The following NCOR2 variants were observed in gnomAD, a reference collection of about 807,000 sequenced individuals.
The protein encoded by NCOR2 is nuclear receptor corepressor 2.
In NCOR2, 81 loss-of-function variants were observed where a neutral mutation model predicts 262.9. The observed-to-expected ratio is 0.31, with a 90% CI of 0.26 to 0.37. The LOEUF is 0.37. Among genes scored for constraint, NCOR2 ranks in the 10% least tolerant of loss-of-function variants. NCOR2 has a pLI of 1.00. For synonymous variants in NCOR2, 1,659 were observed against 1,559.3 expected, an observed-to-expected ratio of 1.06 and a Z score of -1.51; for missense variants, 3,385 against 3,621.4, an observed-to-expected ratio of 0.93 and a Z score of 1.68.
intron 11 of NCOR2, 99 bp from the exon 14 acceptor site, chr12:124,422,654 GC>G: frequency 6.9e-7 from 1 of 1,439,346 alleles, no homozygotes; most frequent in Non-Finnish European, 9.6e-7. Context: ...CACTGGCCGG[GC>G]CTGGCGGGCA....
intron 10 of NCOR2, 88 bp from the exon 13 acceptor site, chr12:124,426,888 G>T: frequency 1.5e-6 from 2 of 1,313,874 alleles, no homozygotes; most frequent in Non-Finnish European, 2.1e-6. Flanking sequence ...CAGAGGGGAC[G>T]GATGGTCTGC....
Position 124,448,784 on chromosome 12 carries a change from G to A in NCOR2, c.815+1031C>T, listed in dbSNP as rs150097684. On this transcript the variant is annotated intron_variant, in intron 7 of 46. Coordinates refer to ENST00000405201, the Ensembl canonical transcript of NCOR2. Reference sequence around the variant, plus strand: ...GGAAGGTTTGCACGCTTTCAGGAACGGGGAGCTCACCACCGCATATACACT... The same window carrying A: ...GGAAGGTTTGCACGCTTTCAGGAACAGGGAGCTCACCACCGCATATACACT... 3.9e-3 allele frequency among the ~76,000 whole-genome samples: 587 copies of A among 152,278 alleles called. 1 individual carries two copies. Among genetic ancestry groups the A allele is most frequent in the African/African-American group, 0.012 (511 of 41,552 alleles).
chr12:124,482,606 A>C lies in NCOR2; in HGVS notation c.411+990T>G, dbSNP rs375145635. On this transcript the variant is annotated intron_variant, in intron 3 of 46. Coordinates refer to ENST00000405201, the Ensembl canonical transcript of NCOR2. The surrounding 1 kb of genome is among the most constrained non-coding windows in gnomAD (Gnocchi z 6.3). ...CCAGATCAGTGAGGAAGAAATGGGG[A>C]TCAGAGAGGCACAAAGGCAGCACAG... is the stretch of plus-strand genomic sequence containing the variant. Among the ~76,000 whole-genome samples the C allele has an allele frequency of 4.1e-3, 618 of 152,272 alleles. 3 individuals carry two copies. Among genetic ancestry groups the C allele is most frequent in the African/African-American group, 0.014 (591 of 41,564 alleles).
chr12:124,398,194 T>A lies in NCOR2; in HGVS notation c.1814-13A>T, dbSNP rs2041797776. On this transcript the variant is annotated splice_polypyrimidine_tract_variant and intron_variant, in intron 15 of 46. Coordinates refer to ENST00000405201, the Ensembl canonical transcript of NCOR2. ...AGCTCCATGGAGGCTGAAAAGAAGA[T>A]GCCAGGTTATTGGCAGGAGCCGGGA... 2 of 1,614,060 alleles carry A rather than the reference T, an allele frequency of 1.2e-6. No individual in the cohort carries two copies. Among genetic ancestry groups the A allele is most frequent in the African/African-American group, 2.7e-5 (2 of 74,954 alleles).
At chr12:124,380,049 G>A (rs570189274) in intron 17 of NCOR2, among the ~76,000 whole-genome samples, 3 of 152,320 alleles carry the variant, frequency 2.0e-5, no homozygotes, top group Non-Finnish European at 4.4e-5. Context: ...TGAAGCCACC[G>A]GTCTGTGGTA....
chr12:124,421,618 ACCAGGAAG>A (rs1180079165), intron 12 of NCOR2, among the ~76,000 whole-genome samples: 4 of 152,098 alleles, frequency 2.6e-5, no homozygotes. Flanking sequence ...CCCTCCTACA[ACCAGGAAG>A]CCCGAGCAGG....
rs142169148 is a variant in NCOR2 at position 124,465,072 on chromosome 12, C to G, written c.705+1101G>C. ...TCAGGCTGCCACTGCAGGCACCCAC[C>G]ACGTGACTCGAGGCCTCCCCACCCC... On this transcript the variant is annotated intron_variant, in intron 5 of 46. Coordinates refer to ENST00000405201, the Ensembl canonical transcript of NCOR2. Among the ~76,000 whole-genome samples, 238 of 152,310 alleles carry G rather than the reference C, an allele frequency of 1.6e-3. 2 individuals are homozygous for G. Among genetic ancestry groups the G allele is most frequent in the African/African-American group, 4.7e-3 (194 of 41,554 alleles).
intron 13 of NCOR2, among the ~76,000 whole-genome samples, chr12:124,414,597 C>T (rs1023568167): frequency 1.3e-5 from 2 of 152,162 alleles, no homozygotes; most frequent in Non-Finnish European, 2.9e-5. Flanking sequence ...ACTAGAGGGC[C>T]CAGGAAGGGA....
chr12:124,358,815 G>A (rs1043035226), intron 22 of NCOR2, among the ~76,000 whole-genome samples: 3 of 152,136 alleles, frequency 2.0e-5, no homozygotes, highest in Non-Finnish European at 2.9e-5. Context: ...AGGGCTCCAC[G>A]GCTGACAGCA....
At chr12:124,480,212 C>T (rs1009180546) in intron 3 of NCOR2, among the ~76,000 whole-genome samples, 6 of 152,208 alleles carry the variant, frequency 3.9e-5, no homozygotes, top group South Asian at 2.1e-4. Context: ...CCCCTACTCC[C>T]GCTGCAGGAG....
At position 124,340,597 on chromosome 12, in the gene NCOR2, G is replaced by A. The variant is rs775181904; in HGVS notation, c.5338+5C>T. 58 of 1,499,444 alleles carry A rather than the reference G, an allele frequency of 3.9e-5. No individual in the cohort carries two copies. In the Admixed American group the frequency reaches 8.9e-4, roughly 23 times the overall value. 92.9% of individuals were successfully genotyped at this position (1,499,444 alleles called of 1,614,324 possible). A position where few individuals can be genotyped will look rare whatever the true frequency, so the allele number is the denominator to read the frequency against. ...TCCCCACCCCAGACTGGGCAGTGGCGCTACCTGGGGAGAGTGGGGAGCTGC... is the reference window on the plus strand; with the variant it reads ...TCCCCACCCCAGACTGGGCAGTGGCACTACCTGGGGAGAGTGGGGAGCTGC... On this transcript the variant is annotated splice_donor_5th_base_variant and intron_variant, in intron 35 of 46. Coordinates refer to ENST00000405201, the Ensembl canonical transcript of NCOR2.
chr12:124,346,248 T>C (rs2036917680), intron 31 of NCOR2, among the ~76,000 whole-genome samples: 1 of 152,180 alleles, frequency 6.6e-6, no homozygotes, highest in African/African-American at 2.4e-5. Flanking sequence ...CTCACAAAGA[T>C]TCAACGGAGG....
chr12:124,374,279 C>T (rs1043890514), intron 19 of NCOR2, 134 bp downstream of exon 21: 26 of 872,150 alleles, frequency 3.0e-5, no homozygotes, highest in Admixed American at 9.2e-5. Flanking sequence ...GCCCAGAGGC[C>T]GCGGAGCACA....
chr12:124,541,810 AT>A (rs2051367411), intron 1 of NCOR2, among the ~76,000 whole-genome samples: 1 of 7,008 alleles, frequency 1.4e-4, no homozygotes, highest in Admixed American at 2.0e-3. Context: ...ATGGAGGGGG[AT>A]GGGGAGTGGA....
intron 13 of NCOR2, among the ~76,000 whole-genome samples, chr12:124,412,517 G>A (rs535262590): frequency 2.0e-5 from 3 of 152,372 alleles, no homozygotes; most frequent in African/African-American, 4.8e-5. Flanking sequence ...GCTGTCAGGC[G>A]CGCTGACAAT....
chr12:124,405,598 A>G (rs769700707), intron 13 of NCOR2, among the ~76,000 whole-genome samples: 3 of 152,368 alleles, frequency 2.0e-5, no homozygotes, highest in Non-Finnish European at 2.9e-5. Flanking sequence ...TATGCTTTCC[A>G]GTGGGACAGA....
chr12:124,354,304 G>T, intron 26 of NCOR2, 108 bp from the exon 29 acceptor site: 2 of 1,272,816 alleles, frequency 1.6e-6, no homozygotes, highest in Middle Eastern at 1.9e-4. Flanking sequence ...TGTGCTAGTT[G>T]TTTCAACGCA....
upstream of NCOR2, chr12:124,538,668 GT>G (rs2051192016): frequency 6.5e-6 from 1 of 153,548 alleles, no homozygotes; most frequent in African/African-American, 2.4e-5. Flanking sequence ...AGAGGCCACT[GT>G]GCCAGTCCAG....
chr12:124,412,071 C>T (rs935632110), intron 13 of NCOR2, among the ~76,000 whole-genome samples: 1 of 152,256 alleles, frequency 6.6e-6, no homozygotes, highest in Non-Finnish European at 1.5e-5. Flanking sequence ...CATCCCTCGC[C>T]TCCAGCCGGC....
Sources: allele counts gnomAD v4.1 joint callset (sites outside exome capture counted in the v4.1 genomes callset), GRCh38; gene constraint gnomAD v4.1.1; non-coding constraint Gnocchi (gnomAD v3.1); transcripts MANE v1.5; gene names NCBI Gene and HGNC (gene_info 2026-07-23, HGNC 2026-07-21).